Variants in MEF2D observed in about 807,000 individuals in gnomAD.
MEF2D encodes myocyte-specific enhancer factor 2D.
In MEF2D, 10 loss-of-function variants were observed where a neutral mutation model predicts 59.3. That is an observed-to-expected ratio of 0.17 (90% CI 0.10 to 0.29). The LOEUF (loss-of-function observed/expected upper bound fraction) is 0.29. Ranked by LOEUF, MEF2D falls within the 10% of genes least tolerant of loss-of-function variation. The pLI, the probability that MEF2D is intolerant of heterozygous loss-of-function variation, is 1.00. For missense variants in MEF2D, 508 were observed against 699.4 expected, an observed-to-expected ratio of 0.73 and a Z score of 3.09; for synonymous variants, 305 against 295.0, an observed-to-expected ratio of 1.03 and a Z score of -0.35.
At chr1:156,488,502 G>A (rs1314254791) in intron 1 of MEF2D, among the ~76,000 whole-genome samples, 2 of 152,108 alleles carry the variant, frequency 1.3e-5, no homozygotes, top group Non-Finnish European at 1.5e-5. Flanking sequence ...GGGACCAGGG[G>A]GAATCAAGAA....
At chr1:156,486,541 C>T (rs2102185714) in intron 1 of MEF2D, among the ~76,000 whole-genome samples, 1 of 152,298 alleles carries the variant, frequency 6.6e-6, no homozygotes, top group South Asian at 2.1e-4. Context: ...CTCTCACCAC[C>T]TTTAGTTCAT....
At chr1:156,467,856 C>T in intron 11 of MEF2D, 137 bp downstream of exon 11, 1 of 1,201,248 alleles carries the variant, frequency 8.3e-7, no homozygotes, top group Non-Finnish European at 1.2e-6. Flanking sequence ...GGTGTTGGTG[C>T]TGCCCTAGAA....
At chr1:156,493,015 G>A (rs1319202019) in intron 1 of MEF2D, among the ~76,000 whole-genome samples, 1 of 152,218 alleles carries the variant, frequency 6.6e-6, no homozygotes, top group Non-Finnish European at 1.5e-5. Flanking sequence ...GAGGCAGGCA[G>A]CAGACAGTCT....
chr1:156,487,786 T>A (rs900915323), intron 1 of MEF2D, among the ~76,000 whole-genome samples: 2 of 152,244 alleles, frequency 1.3e-5, no homozygotes, highest in African/African-American at 4.8e-5. Flanking sequence ...TCTCCAGATG[T>A]GAGTCTCTCC....
chr1:156,491,451 G>A (rs902815336), intron 1 of MEF2D, among the ~76,000 whole-genome samples: 2 of 152,218 alleles, frequency 1.3e-5, no homozygotes, highest in African/African-American at 4.8e-5. Context: ...AAGGCAATGA[G>A]GGCGCTAGAA....
intron 1 of MEF2D, among the ~76,000 whole-genome samples, chr1:156,497,397 G>A (rs763624139): frequency 7.9e-5 from 12 of 152,158 alleles, no homozygotes; most frequent in Non-Finnish European, 1.2e-4. Flanking sequence ...AGAGAGCCTC[G>A]AGAGTCCCAG....
rs892032607 is a variant in MEF2D, at chr1:156,494,407, G to A, written c.-139+6079C>T. Among the ~76,000 whole-genome samples the A allele has an allele frequency of 3.9e-5, 6 of 152,278 alleles. 1 individual carries two copies. Among genetic ancestry groups the A allele is most frequent in the Admixed American group, 1.3e-4 (2 of 15,306 alleles). Reference sequence around the variant, plus strand: ...ATCACGAGGGATAAGCAAGCATGCAGCCAGAGGGATCTGGCAAGACTCGTG... The same window carrying A: ...ATCACGAGGGATAAGCAAGCATGCAACCAGAGGGATCTGGCAAGACTCGTG... On this transcript the variant is annotated intron_variant, in intron 1 of 11. Coordinates refer to ENST00000348159, the MANE Select transcript of MEF2D (RefSeq NM_005920.4).
In MEF2D at chr1:156,482,503, C is replaced by T. The variant is rs948235427; in HGVS notation, c.192G>A (p.Lys64=). The part of the protein sequence containing the change: ...LFQYASTDMD[K]VLLKYTEYNE... Reference sequence around the variant, plus strand: ...TGTACTCCGTGTACTTGAGCAGCACCTTGTCCATGTCGGTGCTGGCGTACT... The same window carrying T: ...TGTACTCCGTGTACTTGAGCAGCACTTTGTCCATGTCGGTGCTGGCGTACT... The change falls in exon 3 of 12, where the codon AAG becomes AAA. Residue 64 remains lysine, a synonymous_variant. Transcript: ENST00000348159. The T allele has an allele frequency of 6.2e-7, 1 of 1,614,230 alleles. No individual in the cohort carries two copies.
Position 156,467,413 on chromosome 1 carries a change from A to C in MEF2D, c.*232T>G. The C allele has an allele frequency of 5.1e-6, 1 of 194,754 alleles. No individual in the cohort carries two copies. Among genetic ancestry groups the C allele is most frequent in the Non-Finnish European group, 1.0e-5 (1 of 96,914 alleles). The allele number at this position is 194,754 out of a possible 1,614,324, so 12.1% of individuals were successfully genotyped here. On this transcript the variant is annotated 3_prime_UTR_variant, in exon 12 of 12. Transcript: ENST00000348159. ...CCAGCCAGTGAAAATGGTGGGGGGT[A>C]CAGAAAGAGGGGATGAGAGCATCCC... is the stretch of plus-strand genomic sequence containing the variant.
Position 156,468,246 on chromosome 1 carries a change from G to T in MEF2D, c.1301C>A (p.Pro434His), listed in dbSNP as rs750147135. Reference protein sequence around the residue: ...VGAALTVTTHPHISIKSEPVS... With the variant: ...VGAALTVTTHHHISIKSEPVS... ...CGGTTCTGACTTGATGCTGATGTGG[G>T]GGTGGGTGGTGACTGTGAGGGCAGC... Residue 434 changes from proline (P) to histidine (H), a missense_variant, in exon 11 of 12, where the codon CCC becomes CAC. This residue lies in a region of MEF2D where 481 missense variants were observed against 584.7 expected (regional missense o/e 0.82). Transcript: ENST00000348159. This position sits in a 1 kb window ranked among gnomAD's most constrained non-coding sequence, Gnocchi z 4.3. The T allele has an allele frequency of 6.3e-7, 1 of 1,595,664 alleles. No homozygotes were observed. Among genetic ancestry groups the T allele is most frequent in the Admixed American group, 1.7e-5 (1 of 58,900 alleles).
intron 9 of MEF2D, among the ~76,000 whole-genome samples, chr1:156,470,942 C>T (rs1174327622): frequency 6.6e-6 from 1 of 152,180 alleles, no homozygotes; most frequent in Non-Finnish European, 1.5e-5. Flanking sequence ...ACCTTTAAAT[C>T]TCTCTAGAGG....
In MEF2D at chr1:156,468,145, C is replaced by T. The variant is rs572441372; in HGVS notation, c.1402G>A (p.Asp468Asn). The T allele has an allele frequency of 1.4e-5, 22 of 1,613,906 alleles. No homozygotes were observed. The highest frequency in any genetic ancestry group is 3.3e-5 in the South Asian group (3 of 91,080). The part of the protein sequence containing the change: ...VFPAARPEPG[D>N]GLSSPAGGSY... ...CCCCCGGCTGGGCTGCTGAGACCATCGCCAGGCTCAGGGCGGGCAGCTGGG... is the reference window on the plus strand; with the variant it reads ...CCCCCGGCTGGGCTGCTGAGACCATTGCCAGGCTCAGGGCGGGCAGCTGGG... Residue 468 changes from aspartate (D) to asparagine (N), a missense_variant, in exon 11 of 12, where the codon GAT becomes AAT. By Grantham distance (23) the Asp-to-Asn change is conservative. Transcript: ENST00000348159. The surrounding 1 kb of genome is among the most constrained non-coding windows in gnomAD (Gnocchi z 4.3).
At chr1:156,496,324 A>C (rs1673125670) in intron 1 of MEF2D, among the ~76,000 whole-genome samples, 1 of 152,162 alleles carries the variant, frequency 6.6e-6, no homozygotes, top group South Asian at 2.1e-4. Flanking sequence ...CCCAGGTGTT[A>C]ATCACCGAAA....
rs538732960 is a variant in MEF2D at position 156,466,417 on chromosome 1, G to A, written c.*1228C>T. On this transcript the variant is annotated 3_prime_UTR_variant, in exon 12 of 12. Coordinates refer to ENST00000348159, the MANE Select transcript of MEF2D (RefSeq NM_005920.4). ...CAGCCTGGAGGTGGTGGGACAAGGA[G>A]GTAGCCAGAGACAATAGGGGCGCCA... is the stretch of plus-strand genomic sequence containing the variant. The A allele has an allele frequency of 4.6e-5, 7 of 153,186 alleles. No homozygotes were observed. The Admixed American group carries it at 4.6e-4, about 10-fold the overall frequency. The allele number at this position is 153,186 out of a possible 1,614,324, so 9.5% of individuals were successfully genotyped here. A position where few individuals can be genotyped will look rare whatever the true frequency, so the allele number is the denominator to read the frequency against.
chr1:156,494,698 C>G (rs1673027334), intron 1 of MEF2D, among the ~76,000 whole-genome samples: 1 of 152,238 alleles, frequency 6.6e-6, no homozygotes, highest in African/African-American at 2.4e-5. Context: ...CACACTTTTT[C>G]TGGCGGAAAC....
intron 4 of MEF2D, among the ~76,000 whole-genome samples, chr1:156,480,442 C>T (rs973010436): frequency 2.0e-5 from 3 of 152,186 alleles, no homozygotes; most frequent in African/African-American, 7.2e-5. Flanking sequence ...GGGGACACTC[C>T]AGGCCTCTCC....
intron 5 of MEF2D, 77 bp from the exon 6 acceptor site, chr1:156,479,423 A>C: frequency 1.1e-5 from 17 of 1,528,938 alleles, no homozygotes; most frequent in Non-Finnish European, 1.5e-5. Flanking sequence ...GAACATGAAG[A>C]GGGGACCCCA....
In MEF2D at chr1:156,481,177, G is replaced by C. The variant is rs556740699; in HGVS notation, c.259-206C>G. ...AAGATGGGCTTGGTGGGAGCTGTCG[G>C]AACACAGAGAACAAGGCTGGAAGGT... On this transcript the variant is annotated intron_variant, in intron 3 of 11. Coordinates refer to ENST00000348159, the MANE Select transcript of MEF2D (RefSeq NM_005920.4). Among the ~76,000 whole-genome samples the C allele has an allele frequency of 9.3e-4, 141 of 152,310 alleles. 2 individuals are homozygous for C. The South Asian group carries it at 0.027, about 29-fold the overall frequency.
intron 2 of MEF2D, 144 bp from the exon 3 acceptor site, chr1:156,482,784 T>C: frequency 2.6e-6 from 2 of 762,098 alleles, no homozygotes; most frequent in Non-Finnish European, 4.4e-6. Flanking sequence ...CAGGAGTCCC[T>C]GGTTTGGGGA....
Sources: allele counts gnomAD v4.1 joint callset (sites outside exome capture counted in the v4.1 genomes callset), GRCh38; gene constraint gnomAD v4.1.1; regional missense constraint gnomAD v4.1.1; non-coding constraint Gnocchi (gnomAD v3.1); transcripts MANE v1.5; gene names NCBI Gene and HGNC (gene_info 2026-07-23, HGNC 2026-07-21).